The following ARHGAP10 variants were observed in gnomAD, a reference collection of about 807,000 sequenced individuals.
ARHGAP10 encodes the protein Rho GTPase activating protein 10.
In ARHGAP10, 87 loss-of-function variants were observed where a neutral mutation model predicts 108.6. That is an observed-to-expected ratio of 0.80 (90% CI 0.67 to 0.96). The LOEUF is 0.96. Among genes scored for constraint, ARHGAP10 ranks in the 40% least tolerant of loss-of-function variants. ARHGAP10 has a pLI of 0.00. For missense variants in ARHGAP10, 939 were observed against 954.5 expected (o/e 0.98, Z 0.21); for synonymous variants, 347 against 341.1 (o/e 1.02, Z -0.19).
chr4:147,885,440 A>T (rs1196879041), intron 10 of ARHGAP10, among the ~76,000 whole-genome samples: 1 of 152,034 alleles, frequency 6.6e-6, no homozygotes, highest in Non-Finnish European at 1.5e-5. Context: ...CATGGGAAAA[A>T]CCCATTCCCA....
chr4:147,982,053 A>G (rs1739828294), intron 18 of ARHGAP10, among the ~76,000 whole-genome samples: 1 of 152,046 alleles, frequency 6.6e-6, no homozygotes, highest in South Asian at 2.1e-4. Flanking sequence ...GTCTTTTTTC[A>G]AAAGACAGGG....
intron 4 of ARHGAP10, among the ~76,000 whole-genome samples, chr4:147,852,719 TTTTTTTTTTTTA>T (rs1267613368): frequency 1.8e-4 from 6 of 33,110 alleles, no homozygotes; most frequent in Admixed American, 1.5e-3. Context: ...TTTTTTTTTT[TTTTTTTTTTTTA>T]AAATGGAGCG....
In ARHGAP10 at chr4:148,046,928, C is replaced by T. The variant is rs1452852840; in HGVS notation, c.1904C>T (p.Thr635Ile). 1.2e-6 allele frequency: 2 copies of T among 1,614,172 alleles called. No homozygotes were observed. Among genetic ancestry groups the T allele is most frequent in the Non-Finnish European group, 1.7e-6 (2 of 1,180,014 alleles). ...TACCCTTCCAAGGAGGACACCCCTACCAGCAGTCTGGACTCACTTTCCTCC... is the reference window on the plus strand; with the variant it reads ...TACCCTTCCAAGGAGGACACCCCTATCAGCAGTCTGGACTCACTTTCCTCC... ...NPYPSKEDTP[T>I]SSLDSLSSPS... Residue 635 changes from threonine to isoleucine, a missense_variant, in exon 20 of 23, where the codon ACC becomes ATC. Transcript: ENST00000336498.
intron 1 of ARHGAP10, among the ~76,000 whole-genome samples, chr4:147,774,442 TTG>T (rs1258115905): frequency 6.6e-6 from 1 of 152,222 alleles, no homozygotes; most frequent in African/African-American, 2.4e-5. Flanking sequence ...TGACCTGGGT[TTG>T]TGTCTGTAGG....
chr4:147,953,882 A>G (rs941614627), intron 15 of ARHGAP10, among the ~76,000 whole-genome samples: 52 of 151,788 alleles, frequency 3.4e-4, no homozygotes, highest in African/African-American at 1.1e-3. Context: ...CTTTTTTAAT[A>G]TAGGTGTTTA....
chr4:148,043,715 G>A (rs1360432764), intron 19 of ARHGAP10, among the ~76,000 whole-genome samples: 1 of 122,438 alleles, frequency 8.2e-6, no homozygotes, highest in Non-Finnish European at 1.7e-5. Flanking sequence ...AAATGTATAT[G>A]CATTTTTCAT....
intron 1 of ARHGAP10, among the ~76,000 whole-genome samples, chr4:147,747,905 T>G (rs1166733951): frequency 1.3e-5 from 2 of 152,202 alleles, no homozygotes; most frequent in African/African-American, 2.4e-5. Context: ...CCAGTGGTTC[T>G]CAAATGGGTG....
chr4:147,883,664 C>T (rs979065367), intron 10 of ARHGAP10, among the ~76,000 whole-genome samples: 14 of 152,192 alleles, frequency 9.2e-5, no homozygotes, highest in African/African-American at 2.4e-4. Context: ...CTGCATTCTC[C>T]TCCTAGAGCC....
chr4:147,931,892 C>T (rs1418450893), intron 13 of ARHGAP10, among the ~76,000 whole-genome samples: 2 of 152,144 alleles, frequency 1.3e-5, no homozygotes, highest in African/African-American at 2.4e-5. Context: ...AACAGACATC[C>T]TACAGAACGG....
chr4:147,805,672 A>G (rs986200890), intron 1 of ARHGAP10, among the ~76,000 whole-genome samples: 6 of 152,204 alleles, frequency 3.9e-5, no homozygotes, highest in African/African-American at 1.4e-4. Context: ...AAATTAGGCC[A>G]GGCATAGTGG....
intron 18 of ARHGAP10, among the ~76,000 whole-genome samples, chr4:148,017,760 TATTA>T (rs923456446): frequency 4.6e-5 from 7 of 151,714 alleles, no homozygotes; most frequent in Admixed American, 4.6e-4. Flanking sequence ...CTTAAGTATT[TATTA>T]ATTCAGTTCA....
Position 147,885,178 on chromosome 4 carries a change from G to C in ARHGAP10, c.1034+3246G>C, listed in dbSNP as rs76033915. ...AGGATGGGGGAAGACAGTAAAATTA[G>C]TTTGGGTCATTGTATTAGTTCATTT... On this transcript the variant is annotated intron_variant, in intron 10 of 22. Coordinates refer to ENST00000336498, the MANE Select transcript of ARHGAP10 (RefSeq NM_024605.4). Among the ~76,000 whole-genome samples the C allele has an allele frequency of 5.9e-5, 9 of 152,270 alleles. No homozygotes were observed. In the East Asian group the frequency reaches 1.7e-3, roughly 29 times the overall value.
At chr4:147,804,184 C>G (rs543389007) in intron 1 of ARHGAP10, among the ~76,000 whole-genome samples, 1 of 152,156 alleles carries the variant, frequency 6.6e-6, no homozygotes, top group East Asian at 1.9e-4. Flanking sequence ...CCCCCCAGGT[C>G]TGTTGTTCCC....
chr4:148,006,483 C>G lies in ARHGAP10; in HGVS notation c.1717-16780C>G, dbSNP rs974630383. The stretch of plus-strand genomic sequence containing the variant: ...TTGTTGCTGTGCCATGCCCACATTC[C>G]CAAGCCAGAATATTCCTAGCATAAT... On this transcript the variant is annotated intron_variant, in intron 18 of 22. Transcript: ENST00000336498. Among the ~76,000 whole-genome samples, 7 of 152,204 alleles carry G rather than the reference C, an allele frequency of 4.6e-5. No individual in the cohort carries two copies. In the East Asian group the frequency reaches 7.7e-4, roughly 17 times the overall value.
At chr4:147,821,574 C>G (rs1732499560) in intron 1 of ARHGAP10, among the ~76,000 whole-genome samples, 1 of 152,122 alleles carries the variant, frequency 6.6e-6, no homozygotes, top group African/African-American at 2.4e-5. Flanking sequence ...GTTTCAGAAA[C>G]TTACAGTGGG....
At chr4:147,945,133 C>T (rs1437375383) in intron 14 of ARHGAP10, among the ~76,000 whole-genome samples, 2 of 152,138 alleles carry the variant, frequency 1.3e-5, no homozygotes, top group African/African-American at 2.4e-5. Context: ...TGCATTCCTC[C>T]CTGCCGCCAT....
intron 15 of ARHGAP10, among the ~76,000 whole-genome samples, chr4:147,951,109 A>AT (rs921124879): frequency 2.6e-5 from 4 of 152,010 alleles, no homozygotes; most frequent in African/African-American, 7.3e-5. Flanking sequence ...AACAATATTT[A>AT]TTTTTTTATG....
chr4:148,000,463 A>G (rs910491201), intron 18 of ARHGAP10, among the ~76,000 whole-genome samples: 6 of 152,198 alleles, frequency 3.9e-5, no homozygotes, highest in Admixed American at 1.3e-4. Context: ...GCTGGGTCAT[A>G]TGGTATTTCT....
intron 18 of ARHGAP10, among the ~76,000 whole-genome samples, chr4:148,014,503 T>C (rs1027742901): frequency 6.6e-6 from 1 of 152,222 alleles, no homozygotes; most frequent in Non-Finnish European, 1.5e-5. Context: ...TCACCTGATA[T>C]AGATGGGGAG....
Sources: allele counts gnomAD v4.1 joint callset (sites outside exome capture counted in the v4.1 genomes callset), GRCh38; gene constraint gnomAD v4.1.1; transcripts MANE v1.5; gene names NCBI Gene and HGNC (gene_info 2026-07-23, HGNC 2026-07-21).